SH3RF1: variants seen among roughly 807,000 people sequenced by gnomAD.
SH3RF1 encodes the protein SH3 domain containing ring finger 1, also known as E3 ubiquitin-protein ligase SH3RF1.
Under a neutral mutation model 74.0 loss-of-function variants are expected in SH3RF1, and 32 were observed. The ratio of observed to expected loss-of-function variants is 0.43; its 90% CI spans 0.33 to 0.58. The LOEUF (loss-of-function observed/expected upper bound fraction) is 0.58, where lower values mean the gene tolerates loss of function less well. SH3RF1 is among the 20% of genes least tolerant of loss of function. The pLI, the probability that SH3RF1 is intolerant of heterozygous loss-of-function variation, is 0.05. For synonymous variants in SH3RF1, 396 were observed against 439.6 expected (o/e 0.90, Z 1.24); for missense variants, 954 against 1,130.9 (o/e 0.84, Z 2.24).
intron 5 of SH3RF1, among the ~76,000 whole-genome samples, chr4:169,133,445 A>G (rs958913153): frequency 4.6e-5 from 7 of 151,070 alleles, no homozygotes; most frequent in Non-Finnish European, 8.8e-5. Context: ...ACTGCACTCC[A>G]GCCTGGGAGA....
At chr4:169,155,875 T>TTC (rs74455852) in intron 3 of SH3RF1, among the ~76,000 whole-genome samples, 47,379 of 151,734 alleles carry the variant, frequency 0.31, 7,620 homozygotes, top group African/African-American at 0.38. Flanking sequence ...CCTCCTGAGT[T>TTC]TGTTTTAGAT....
At chr4:169,231,425 A>T (rs1454338078) in intron 2 of SH3RF1, among the ~76,000 whole-genome samples, 6 of 151,978 alleles carry the variant, frequency 3.9e-5, no homozygotes, top group Non-Finnish European at 7.4e-5. Context: ...AATTAGCCAG[A>T]CGTCATGGCG....
intron 2 of SH3RF1, among the ~76,000 whole-genome samples, chr4:169,267,201 C>T (rs1731368005): frequency 6.6e-6 from 1 of 152,140 alleles, no homozygotes; most frequent in Non-Finnish European, 1.5e-5. Flanking sequence ...AGTGTTTGAG[C>T]CTCTCCTTAA....
chr4:169,208,235 GC>G (rs1057369875), intron 2 of SH3RF1, among the ~76,000 whole-genome samples: 37 of 149,972 alleles, frequency 2.5e-4, no homozygotes, highest in African/African-American at 8.6e-4. Flanking sequence ...CCAAGTAATA[GC>G]CGTTTCTGTC....
chr4:169,187,368 C>CT (rs1397261976), intron 2 of SH3RF1, among the ~76,000 whole-genome samples: 2 of 151,984 alleles, frequency 1.3e-5, no homozygotes, highest in Non-Finnish European at 2.9e-5. Context: ...AATTTTTTAA[C>CT]TTTTTGTGGA....
chr4:169,195,174 T>C (rs996230388), intron 2 of SH3RF1, among the ~76,000 whole-genome samples: 10 of 152,196 alleles, frequency 6.6e-5, no homozygotes, highest in African/African-American at 1.9e-4. Flanking sequence ...TTGAAGAATA[T>C]GGTTGTTGGG....
At chr4:169,198,617 T>C (rs994404943) in intron 2 of SH3RF1, among the ~76,000 whole-genome samples, 1 of 152,132 alleles carries the variant, frequency 6.6e-6, no homozygotes, top group African/African-American at 2.4e-5. Flanking sequence ...TTTTAGAGCA[T>C]CTAATTTGTA....
At chr4:169,174,125 G>A (rs995403216) in intron 2 of SH3RF1, among the ~76,000 whole-genome samples, 13 of 152,064 alleles carry the variant, frequency 8.5e-5, no homozygotes, top group South Asian at 4.2e-4. Context: ...GTGCAGTGGC[G>A]CAATCATGGC....
rs1043412667 is a variant in SH3RF1, at chr4:169,095,872, A to G, written c.*647T>C. 7 of 152,224 alleles carry G rather than the reference A, an allele frequency of 4.6e-5. No homozygotes were observed. Among genetic ancestry groups the G allele is most frequent in the African/African-American group, 1.7e-4 (7 of 41,466 alleles). The allele number at this position is 152,224 out of a possible 1,614,324, so 9.4% of individuals were successfully genotyped here. On this transcript the variant is annotated 3_prime_UTR_variant, in exon 12 of 12. Coordinates refer to ENST00000284637, the MANE Select transcript of SH3RF1 (RefSeq NM_020870.4). ...TCCTACCAAACTAGAAAGAGAGGGA[A>G]TCACTAACTTCTCTTCTCTCAAGTT...
At chr4:169,170,170 C>T (rs1734303121) in intron 2 of SH3RF1, among the ~76,000 whole-genome samples, 1 of 151,784 alleles carries the variant, frequency 6.6e-6, no homozygotes, top group African/African-American at 2.4e-5. Context: ...TTGCAGCAAG[C>T]CCAGACCCAA....
At chr4:169,203,731 A>C (rs971118324) in intron 2 of SH3RF1, among the ~76,000 whole-genome samples, 3 of 152,232 alleles carry the variant, frequency 2.0e-5, no homozygotes, top group African/African-American at 7.2e-5. Context: ...CACAAAAATA[A>C]CTGTGAAACG....
intron 2 of SH3RF1, among the ~76,000 whole-genome samples, chr4:169,225,708 A>G (rs1407034952): frequency 6.6e-6 from 1 of 152,192 alleles, no homozygotes; most frequent in Admixed American, 6.5e-5. Flanking sequence ...TTATAAAAGG[A>G]AAGTGATAAA....
rs112578159 is a variant in SH3RF1, at chr4:169,250,364, C to T, written c.393+18456G>A. ...CAAGATTATTTTTTAAATCATTCCA[C>T]ATTTATCTTCATAAAACAATACAAA... On this transcript the variant is annotated intron_variant, in intron 2 of 11. Coordinates refer to ENST00000284637, the MANE Select transcript of SH3RF1 (RefSeq NM_020870.4). Among the ~76,000 whole-genome samples the T allele has an allele frequency of 2.7e-3, 409 of 151,706 alleles. 1 individual carries two copies. The highest frequency in any genetic ancestry group is 9.3e-3 in the African/African-American group (387 of 41,420).
Position 169,125,296 on chromosome 4 carries a change from TTCTC to T in SH3RF1, c.1180-3034_1180-3031del, listed in dbSNP as rs1284070016. Among the ~76,000 whole-genome samples, 2 of 152,202 alleles carry T rather than the reference TTCTC, an allele frequency of 1.3e-5. 1 individual carries two copies. Among genetic ancestry groups the T allele is most frequent in the Non-Finnish European group, 2.9e-5 (2 of 68,026 alleles). On this transcript the variant is annotated intron_variant, in intron 6 of 11. Coordinates refer to ENST00000284637, the MANE Select transcript of SH3RF1 (RefSeq NM_020870.4). ...AGTGAGCACCCAGGGAAGAAGTGTC[TTCTC>T]TCTGAGTGGGCAGCATTTCAGAACA...
chr4:169,110,097 G>A (rs201764689), intron 10 of SH3RF1, among the ~76,000 whole-genome samples: 2 of 151,412 alleles, frequency 1.3e-5, no homozygotes, highest in African/African-American at 2.4e-5. Context: ...GTTAGAGGCC[G>A]GGCACAGTGG....
In SH3RF1 at chr4:169,102,522, A is replaced by T. The variant is rs145307093; in HGVS notation, c.2498+4325T>A. Reference sequence around the variant, plus strand: ...GTCTCCCTGAACTCTTTATATATATATTTTTTTTCTTTGGAAGAAAAACCT... The same window carrying T: ...GTCTCCCTGAACTCTTTATATATATTTTTTTTTTCTTTGGAAGAAAAACCT... On this transcript the variant is annotated intron_variant, in intron 11 of 11. Transcript: ENST00000284637. Among the ~76,000 whole-genome samples the T allele has an allele frequency of 3.0e-3, 450 of 151,206 alleles. 1 individual carries two copies. Among genetic ancestry groups the T allele is most frequent in the African/African-American group, 7.9e-3 (324 of 41,254 alleles).
At position 169,156,581 on chromosome 4, in the gene SH3RF1, T is replaced by C; in HGVS notation, c.492A>G (p.Arg164=). 1 of 1,614,136 alleles carries C rather than the reference T, an allele frequency of 6.2e-7. No homozygotes were observed. Among genetic ancestry groups the C allele is most frequent in the Non-Finnish European group, 8.5e-7 (1 of 1,179,994 alleles). ...KFSKGDIIIL[R]RQVDENWYHG... is the part of the protein sequence containing the mutation. ...GGTACCAATTTTCATCCACTTGTCTTCGCAAAATGATGATGTCACCTTTGC... is the reference window on the plus strand; with the variant it reads ...GGTACCAATTTTCATCCACTTGTCTCCGCAAAATGATGATGTCACCTTTGC... Residue 164 remains arginine (R), a synonymous_variant, in exon 3 of 12, where the codon CGA becomes CGG. Coordinates refer to ENST00000284637, the MANE Select transcript of SH3RF1 (RefSeq NM_020870.4).
chr4:169,130,272 T>C (rs1214658943), intron 5 of SH3RF1, 116 bp from the exon 6 acceptor site: 1 of 767,944 alleles, frequency 1.3e-6, no homozygotes, highest in Non-Finnish European at 2.0e-6. Context: ...CTTTCTGTTA[T>C]TTGGGGAAGG....
chr4:169,130,559 C>T (rs551945321), intron 5 of SH3RF1, among the ~76,000 whole-genome samples: 1 of 152,350 alleles, frequency 6.6e-6, no homozygotes, highest in East Asian at 1.9e-4. Context: ...GAACACTCAC[C>T]TGTCTATCAA....
Sources: allele counts gnomAD v4.1 joint callset (sites outside exome capture counted in the v4.1 genomes callset), GRCh38; gene constraint gnomAD v4.1.1; transcripts MANE v1.5; gene names NCBI Gene and HGNC (gene_info 2026-07-23, HGNC 2026-07-21).